Variants in TAX1BP1 observed in about 807,000 individuals in gnomAD.
The protein encoded by TAX1BP1 is Tax1 binding protein 1, also known as tax1-binding protein 1.
Under a neutral mutation model 97.7 loss-of-function variants are expected in TAX1BP1, and 62 were observed. That is an observed-to-expected ratio of 0.63 (90% CI 0.52 to 0.78). The LOEUF (loss-of-function observed/expected upper bound fraction) is 0.78, where lower values mean the gene tolerates loss of function less well. Ranked by LOEUF, TAX1BP1 falls within the 30% of genes least tolerant of loss-of-function variation. The probability of loss-of-function intolerance (pLI) is 0.00; values close to 1 mark genes in which losing one functional copy is unlikely to be tolerated. For missense variants in TAX1BP1, 867 were observed against 916.1 expected (o/e 0.95, Z 0.69); for synonymous variants, 340 against 304.2 (o/e 1.12, Z -1.23).
chr7:27,743,505 G>A lies in TAX1BP1; in HGVS notation c.-8+3236G>A, dbSNP rs537265835. Reference sequence around the variant, plus strand: ...ATTACAACACTTCTAAGGGTACAAAGCGTTCATATTCTAAAATGCAGTGTT... The same window carrying A: ...ATTACAACACTTCTAAGGGTACAAAACGTTCATATTCTAAAATGCAGTGTT... On this transcript the variant is annotated intron_variant, in intron 1 of 16. Coordinates refer to ENST00000396319, the MANE Select transcript of TAX1BP1 (RefSeq NM_006024.7). Among the ~76,000 whole-genome samples the A allele has an allele frequency of 3.3e-5, 5 of 152,298 alleles. No individual in the cohort carries two copies. The East Asian group carries it at 9.7e-4, about 29-fold the overall frequency.
intron 12 of TAX1BP1, 50 bp from the exon 13 acceptor site, chr7:27,799,915 C>T (rs770226349): frequency 9.6e-6 from 14 of 1,461,346 alleles, no homozygotes; most frequent in Admixed American, 2.1e-5. Context: ...TATAGATTTT[C>T]ACTCTACATG....
intron 2 of TAX1BP1, among the ~76,000 whole-genome samples, chr7:27,753,006 G>A (rs1309492214): frequency 2.0e-5 from 3 of 152,172 alleles, no homozygotes; most frequent in African/African-American, 7.2e-5. Flanking sequence ...ATTTAGAACT[G>A]CACCTGATGC....
chr7:27,766,413 C>A (rs1341100883), intron 4 of TAX1BP1, among the ~76,000 whole-genome samples: 1 of 93,178 alleles, frequency 1.1e-5, no homozygotes, highest in East Asian at 2.7e-4. Flanking sequence ...GAGCGAGACT[C>A]CGTATCAAAA....
At position 27,785,157 on chromosome 7, in the gene TAX1BP1, T is replaced by G. The variant is rs749407712; in HGVS notation, c.613-6T>G. On this transcript the variant is annotated splice_polypyrimidine_tract_variant and splice_region_variant and intron_variant, in intron 5 of 16. Transcript: ENST00000396319. Reference sequence around the variant, plus strand: ...TTTCTCAAAATACCTTGTTGTCACTTCTCAGGGTCTTACTGAAGTAACACA... The same window carrying G: ...TTTCTCAAAATACCTTGTTGTCACTGCTCAGGGTCTTACTGAAGTAACACA... 6.3e-7 allele frequency: 1 copy of G among 1,599,170 alleles called. No homozygotes were observed. The highest frequency in any genetic ancestry group is 1.1e-5 in the South Asian group (1 of 87,180).
chr7:27,753,161 G>A (rs2128308223), intron 2 of TAX1BP1, among the ~76,000 whole-genome samples: 1 of 152,330 alleles, frequency 6.6e-6, no homozygotes, highest in Middle Eastern at 3.4e-3. Flanking sequence ...TTAGCCGGGT[G>A]TGGTGGTGCA....
chr7:27,807,357 C>G (rs1790379965), intron 13 of TAX1BP1, among the ~76,000 whole-genome samples: 1 of 152,030 alleles, frequency 6.6e-6, no homozygotes, highest in Non-Finnish European at 1.5e-5. Context: ...TAGTCTTTTC[C>G]TCCCTGATCT....
chr7:27,818,948 A>G (rs937298517), intron 15 of TAX1BP1, among the ~76,000 whole-genome samples: 2 of 152,176 alleles, frequency 1.3e-5, no homozygotes, highest in Non-Finnish European at 1.5e-5. Context: ...CCACCTGTCA[A>G]ATGGACTAAA....
chr7:27,785,577 C>G, intron 7 of TAX1BP1, 88 bp downstream of exon 7: 1 of 1,092,708 alleles, frequency 9.2e-7, no homozygotes, highest in Non-Finnish European at 1.3e-6. Context: ...AATTTAGGAG[C>G]AGCTTAGCTG....
Position 27,748,580 on chromosome 7 carries a change from T to G in TAX1BP1, c.56T>G (p.Phe19Cys). 6.2e-7 allele frequency: 1 copy of G among 1,606,062 alleles called. No individual in the cohort carries two copies. Among genetic ancestry groups the G allele is most frequent in the Non-Finnish European group, 8.5e-7 (1 of 1,175,482 alleles). The change falls in exon 2 of 17, where the codon TTT becomes TGT. Residue 19 changes from phenylalanine (F) to cysteine (C), a missense_variant. By Grantham distance (205) the Phe-to-Cys change is radical (BLOSUM62 -2). Coordinates refer to ENST00000396319, the MANE Select transcript of TAX1BP1 (RefSeq NM_006024.7). Reference sequence around the variant, plus strand: ...ACTTCCAACTTTGCCCATGTCATCTTTCAAAATGTGGCCAAGAGTTACCTT... The same window carrying G: ...ACTTCCAACTTTGCCCATGTCATCTGTCAAAATGTGGCCAAGAGTTACCTT... ...LQTSNFAHVI[F>C]QNVAKSYLPN...
rs1006140632 is a variant in TAX1BP1, at chr7:27,821,864, C to T, written c.2085+4826C>T. On this transcript the variant is annotated intron_variant, in intron 15 of 16. Transcript: ENST00000396319. ...TATTCCCACCAGCCCAGGAAACCCT[C>T]AGTCCACTTTGTTTATAGATTCGTC... Among the ~76,000 whole-genome samples, 3 of 152,170 alleles carry T rather than the reference C, an allele frequency of 2.0e-5. No individual in the cohort carries two copies. In the South Asian group the frequency reaches 6.2e-4, roughly 32 times the overall value.
At chr7:27,803,054 G>T in intron 13 of TAX1BP1, 1 of 1,499,914 alleles carries the variant, frequency 6.7e-7, no homozygotes, top group Non-Finnish European at 9.0e-7. Flanking sequence ...TCTCAAAGTT[G>T]CAAGGAGGGA....
intron 11 of TAX1BP1, among the ~76,000 whole-genome samples, chr7:27,795,298 C>G (rs920888064): frequency 1.3e-5 from 2 of 151,710 alleles, no homozygotes; most frequent in Admixed American, 6.6e-5. Context: ...TAATGAAGGG[C>G]TAGAAGAATG....
intron 8 of TAX1BP1, 97 bp from the exon 9 acceptor site, chr7:27,791,909 A>C (rs1789723962): frequency 4.6e-6 from 5 of 1,082,694 alleles, no homozygotes; most frequent in South Asian, 3.0e-5. Flanking sequence ...CCAATATCTA[A>C]AATTTTGGCC....
chr7:27,755,081 A>AT (rs1788160709), intron 2 of TAX1BP1, among the ~76,000 whole-genome samples: 1 of 152,146 alleles, frequency 6.6e-6, no homozygotes, highest in South Asian at 2.1e-4. Flanking sequence ...TTTTGCAGTC[A>AT]TTTTTTTCCT....
intron 2 of TAX1BP1, among the ~76,000 whole-genome samples, chr7:27,750,996 C>T (rs1787999416): frequency 6.6e-6 from 1 of 152,164 alleles, no homozygotes; most frequent in African/African-American, 2.4e-5. Context: ...GTTTGAAACT[C>T]TTCATTGGTT....
chr7:27,818,650 A>G (rs964252191), intron 15 of TAX1BP1, among the ~76,000 whole-genome samples: 1 of 152,036 alleles, frequency 6.6e-6, no homozygotes, highest in South Asian at 2.1e-4. Context: ...CAGATCAAAA[A>G]CCTTTTGTGA....
chr7:27,760,395 A>ATT (rs34019058), intron 3 of TAX1BP1, among the ~76,000 whole-genome samples: 203 of 143,546 alleles, frequency 1.4e-3, no homozygotes, highest in African/African-American at 3.0e-3. Context: ...TTATTTTAGA[A>ATT]TTTTTTTTTT....
intron 5 of TAX1BP1, among the ~76,000 whole-genome samples, chr7:27,783,800 C>T (rs1404478740): frequency 2.0e-5 from 3 of 152,144 alleles, no homozygotes; most frequent in Non-Finnish European, 1.5e-5. Flanking sequence ...TTAGAAACCT[C>T]TCTGGCCATC....
intron 13 of TAX1BP1, among the ~76,000 whole-genome samples, chr7:27,811,316 T>C (rs1222823816): frequency 6.6e-6 from 1 of 152,234 alleles, no homozygotes. Context: ...ATGTATGGAC[T>C]TGCTTAGAAA....
Sources: gnomAD v4.1 joint callset for allele counts (sites outside exome capture counted in the v4.1 genomes callset) on GRCh38, gnomAD v4.1.1 for gene constraint, MANE v1.5 for transcripts, NCBI Gene and HGNC (gene_info 2026-07-23, HGNC 2026-07-21) for gene names.